The following GPR19 variants were observed in gnomAD, a reference collection of about 807,000 sequenced individuals.
GPR19 encodes G protein-coupled receptor 19.
Under a neutral mutation model 28.5 loss-of-function variants are expected in GPR19, and 14 were observed. The ratio of observed to expected loss-of-function variants is 0.49; its 90% CI spans 0.32 to 0.77. The LOEUF (loss-of-function observed/expected upper bound fraction) is 0.77, where lower values mean the gene tolerates loss of function less well. Ranked by LOEUF, GPR19 falls within the 30% of genes least tolerant of loss-of-function variation. GPR19 has a pLI of 0.03. For missense variants in GPR19, 409 were observed against 504.1 expected, an observed-to-expected ratio of 0.81 and a Z score of 1.81; for synonymous variants, 173 against 184.1, an observed-to-expected ratio of 0.94 and a Z score of 0.49.
chr12:12,697,625 A>G (rs1037050540), upstream of GPR19, among the ~76,000 whole-genome samples: 1 of 152,234 alleles, frequency 6.6e-6, no homozygotes, highest in African/African-American at 2.4e-5. Context: ...CTAAAAGGAA[A>G]GTGGGATTTT....
At chr12:12,711,251 G>A in the GPR19 span, among the ~76,000 whole-genome samples, 7 of 144,202 alleles carry the variant, frequency 4.9e-5, no homozygotes, top group South Asian at 1.1e-3. Flanking sequence ...CTGAGATCAC[G>A]CCATTGCACT....
chr12:12,692,615 C>G (rs971685054), intron 2 of GPR19, among the ~76,000 whole-genome samples: 1 of 152,144 alleles, frequency 6.6e-6, no homozygotes, highest in African/African-American at 2.4e-5. Context: ...GAACCCCATA[C>G]TGGTACAATA....
At chr12:12,673,852 A>AT (rs1005771615) in intron 3 of GPR19, among the ~76,000 whole-genome samples, 49 of 152,044 alleles carry the variant, frequency 3.2e-4, no homozygotes, top group African/African-American at 6.3e-4. Context: ...TGAATATGCC[A>AT]TTTTTTTTAA....
intron 2 of GPR19, among the ~76,000 whole-genome samples, chr12:12,694,188 C>CTTTTTTGTTTTTT (rs1946228105): frequency 2.3e-5 from 1 of 43,810 alleles, no homozygotes; most frequent in Non-Finnish European, 4.0e-5. Context: ...GAGTACCTGT[C>CTTTTTTGTTTTTT]TTTTTTTTTT....
chr12:12,701,549 T>C, the GPR19 span, among the ~76,000 whole-genome samples: 4 of 152,234 alleles, frequency 2.6e-5, no homozygotes, highest in Non-Finnish European at 4.4e-5. Context: ...GTGTCCTTTC[T>C]ATTCACCAAG....
the GPR19 span, among the ~76,000 whole-genome samples, chr12:12,710,626 T>A: frequency 6.6e-6 from 1 of 152,182 alleles, no homozygotes; most frequent in Non-Finnish European, 1.5e-5. Context: ...AACATTGAAC[T>A]CCTGGGCTCA....
chr12:12,664,919 C>CAAAAAAAAAAAAAA (rs746346681), intron 3 of GPR19, among the ~76,000 whole-genome samples: 5 of 31,112 alleles, frequency 1.6e-4, no homozygotes, highest in African/African-American at 4.7e-4. Flanking sequence ...GACGCCATCT[C>CAAAAAAAAAAAAAA]AAAAAAAAAA....
chr12:12,715,467 T>C, the GPR19 span, among the ~76,000 whole-genome samples: 5 of 143,954 alleles, frequency 3.5e-5, no homozygotes, highest in Non-Finnish European at 7.4e-5. Flanking sequence ...TATCAACCCC[T>C]GTCCTTCAAT....
In GPR19 at chr12:12,672,679, G is replaced by A. The variant is rs1466895520; in HGVS notation, c.-22-10209C>T. On this transcript the variant is annotated intron_variant, in intron 3 of 3. Coordinates refer to ENST00000651487, the MANE Select transcript of GPR19 (RefSeq NM_006143.3). Reference sequence around the variant, plus strand: ...GGAGAATTGCTTGAACCCCGGAGGCGGAGGTTGCAGTGAGCCAAGATTGTA... The same window carrying A: ...GGAGAATTGCTTGAACCCCGGAGGCAGAGGTTGCAGTGAGCCAAGATTGTA... Among the ~76,000 whole-genome samples, 6 of 152,148 alleles carry A rather than the reference G, an allele frequency of 3.9e-5. No individual in the cohort carries two copies. In the South Asian group the frequency reaches 8.3e-4, roughly 21 times the overall value.
chr12:12,717,203 C>T, the GPR19 span: 1 of 1,049,844 alleles, frequency 9.5e-7, no homozygotes. Context: ...GCCAATCTCC[C>T]GGCGGCGCTC....
chr12:12,684,104 A>G (rs919615888), intron 3 of GPR19: 1 of 152,300 alleles, frequency 6.6e-6, no homozygotes, highest in African/African-American at 2.4e-5. Context: ...CTTTTCATCA[A>G]TGAGTGCTTT....
Position 12,665,819 on chromosome 12 carries a change from CAAAAAAAAAA to C in GPR19, c.-22-3359_-22-3350del, listed in dbSNP as rs528302150. Among the ~76,000 whole-genome samples, 577 of 75,780 alleles carry C rather than the reference CAAAAAAAAAA, an allele frequency of 7.6e-3. 5 individuals carry two copies. Among genetic ancestry groups the C allele is most frequent in the Non-Finnish European group, 0.011 (494 of 46,020 alleles). 49.7% of individuals were successfully genotyped at this position (75,780 alleles called of 152,430 possible). ...TGGGGCACAAAGCCAGACTCCGTCT[CAAAAAAAAAA>C]AAAAAAAAAAAAAAAAAAAGAAAAC... On this transcript the variant is annotated intron_variant, in intron 3 of 3. Transcript: ENST00000651487.
intron 2 of GPR19, among the ~76,000 whole-genome samples, chr12:12,693,440 G>A (rs543420109): frequency 1.3e-5 from 2 of 152,156 alleles, no homozygotes; most frequent in African/African-American, 2.4e-5. Flanking sequence ...CAGCCCTGCT[G>A]ATGGCCCAAG....
At chr12:12,694,374 ATT>A (rs1212731139) in intron 2 of GPR19, among the ~76,000 whole-genome samples, 2 of 127,010 alleles carry the variant, frequency 1.6e-5, no homozygotes, top group Admixed American at 7.8e-5. Flanking sequence ...AATTTTTTGT[ATT>A]TTTTTTTTTT....
chr12:12,672,905 T>C (rs565450565), intron 3 of GPR19, among the ~76,000 whole-genome samples: 16 of 152,338 alleles, frequency 1.1e-4, no homozygotes, highest in Admixed American at 7.8e-4. Context: ...TTATAATAAC[T>C]AGACAGACAA....
rs2136336955 is a variant in GPR19, at chr12:12,692,676, A to G, written c.-180+2783T>C. Among the ~76,000 whole-genome samples, 2 of 152,256 alleles carry G rather than the reference A, an allele frequency of 1.3e-5. 1 individual carries two copies. The highest frequency in any genetic ancestry group is 6.8e-3 in the Middle Eastern group (2 of 294). On this transcript the variant is annotated intron_variant, in intron 2 of 3. Coordinates refer to ENST00000651487, the MANE Select transcript of GPR19 (RefSeq NM_006143.3). ...AGGTATTTGATATCCACAAAGCACA[A>G]AAGACCTAATTATAGTTGTTTTTTT...
At chr12:12,711,164 C>T in the GPR19 span, among the ~76,000 whole-genome samples, 1 of 151,738 alleles carries the variant, frequency 6.6e-6, no homozygotes, top group Non-Finnish European at 1.5e-5. Context: ...TGTGGTGGCA[C>T]GTGCCTGCAA....
At chr12:12,681,598 TG>T (rs35682471) in intron 3 of GPR19, among the ~76,000 whole-genome samples, 1 of 152,118 alleles carries the variant, frequency 6.6e-6, no homozygotes, top group Admixed American at 6.5e-5. Flanking sequence ...CCTGCATGTG[TG>T]GGGGGCATGT....
At chr12:12,669,550 G>A (rs1945829085) in intron 3 of GPR19, among the ~76,000 whole-genome samples, 1 of 152,186 alleles carries the variant, frequency 6.6e-6, no homozygotes, top group Non-Finnish European at 1.5e-5. Context: ...CTAGTGGGCT[G>A]GGACTGGCTT....
Sources: allele counts gnomAD v4.1 joint callset (sites outside exome capture counted in the v4.1 genomes callset), GRCh38; gene constraint gnomAD v4.1.1; transcripts MANE v1.5; gene names NCBI Gene and HGNC (gene_info 2026-07-23, HGNC 2026-07-21).